GPATCH2: variants seen among roughly 807,000 people sequenced by gnomAD.
GPATCH2 encodes the protein G patch domain-containing protein 2.
A neutral mutation model predicts 58.0 loss-of-function variants in GPATCH2; 51 were observed. The ratio of observed to expected loss-of-function variants is 0.88; its 90% confidence interval spans 0.70 to 1.11. GPATCH2 has a LOEUF of 1.11. Ranked by LOEUF, GPATCH2 falls within the 50% of genes most tolerant of loss-of-function variation. The pLI, the probability that GPATCH2 is intolerant of heterozygous loss-of-function variation, is 0.00. For missense variants in GPATCH2, 625 were observed against 652.2 expected, an observed-to-expected ratio of 0.96 and a Z score of 0.45; for synonymous variants, 222 against 218.5, an observed-to-expected ratio of 1.02 and a Z score of -0.14.
chr1:217,479,607 GACCACAAAACA>G (rs1456164937), intron 8 of GPATCH2, among the ~76,000 whole-genome samples: 1 of 151,766 alleles, frequency 6.6e-6, no homozygotes, highest in Non-Finnish European at 1.5e-5. Context: ...AAGAAGAGAA[GACCACAAAACA>G]ACCAGAAAAC....
chr1:217,599,914 A>G (rs2102789305), intron 5 of GPATCH2, among the ~76,000 whole-genome samples: 1 of 152,314 alleles, frequency 6.6e-6, no homozygotes. Flanking sequence ...ATAAACATTT[A>G]GTTTTTAAAG....
At chr1:217,609,905 A>G in intron 5 of GPATCH2, 1 of 1,111,932 alleles carries the variant, frequency 9.0e-7, no homozygotes, top group Non-Finnish European at 1.1e-6. Context: ...CATAAAAGAG[A>G]AAAATATATA....
chr1:217,490,693 T>C (rs964028611), intron 8 of GPATCH2, among the ~76,000 whole-genome samples: 21 of 152,246 alleles, frequency 1.4e-4, no homozygotes, highest in African/African-American at 5.1e-4. Flanking sequence ...TGGTGTTTTG[T>C]TGCTTGCTCA....
At chr1:217,464,597 A>T (rs1320196034) in intron 8 of GPATCH2, among the ~76,000 whole-genome samples, 1 of 152,214 alleles carries the variant, frequency 6.6e-6, no homozygotes, top group Non-Finnish European at 1.5e-5. Context: ...TAAAAAACCC[A>T]CACCAAGGAA....
Position 217,498,374 on chromosome 1 carries a change from A to T in GPATCH2, c.1188T>A (p.Ala396=). 6.2e-7 allele frequency: 1 copy of T among 1,613,292 alleles called. No homozygotes were observed. The highest frequency in any genetic ancestry group is 8.5e-7 in the Non-Finnish European group (1 of 1,179,216). ...TCCTTACCTGGTCATGCTCTGTCCTAGCCCCAGGGCTAAACCAATGGCTGC... is the reference window on the plus strand; with the variant it reads ...TCCTTACCTGGTCATGCTCTGTCCTTGCCCCAGGGCTAAACCAATGGCTGC... ...HHHDHWFSPG[A]RTEHDQHQLL... is the part of the protein sequence containing the mutation. Residue 396 remains alanine (A), a synonymous_variant, in exon 7 of 10, where the codon GCT becomes GCA. Transcript: ENST00000366935.
chr1:217,541,176 C>T (rs1664721565), intron 5 of GPATCH2, among the ~76,000 whole-genome samples: 2 of 152,174 alleles, frequency 1.3e-5, no homozygotes, highest in Non-Finnish European at 2.9e-5. Context: ...ACTGATACAG[C>T]TTCTATCATC....
chr1:217,470,238 C>A (rs978226423), intron 8 of GPATCH2, among the ~76,000 whole-genome samples: 1 of 152,180 alleles, frequency 6.6e-6, no homozygotes, highest in Admixed American at 6.5e-5. Flanking sequence ...TTAAGGGTCA[C>A]TGGAACAGCT....
At chr1:217,466,049 C>T (rs1379359835) in intron 8 of GPATCH2, among the ~76,000 whole-genome samples, 2 of 152,126 alleles carry the variant, frequency 1.3e-5, no homozygotes, top group Non-Finnish European at 2.9e-5. Context: ...CCATGGATTG[C>T]ATATCTGGCC....
intron 5 of GPATCH2, among the ~76,000 whole-genome samples, chr1:217,526,411 A>G (rs1663909694): frequency 6.6e-6 from 1 of 152,216 alleles, no homozygotes; most frequent in Non-Finnish European, 1.5e-5. Flanking sequence ...AAAAGTATGT[A>G]ATCATGATTT....
intron 5 of GPATCH2, among the ~76,000 whole-genome samples, chr1:217,530,729 G>A (rs1379095571): frequency 6.6e-6 from 1 of 152,074 alleles, no homozygotes; most frequent in Non-Finnish European, 1.5e-5. Flanking sequence ...TTTAAAAATA[G>A]TTACTTAAAG....
At chr1:217,467,809 A>T (rs1399890371) in intron 8 of GPATCH2, among the ~76,000 whole-genome samples, 1 of 152,130 alleles carries the variant, frequency 6.6e-6, no homozygotes, top group Non-Finnish European at 1.5e-5. Flanking sequence ...AGGAATCAGC[A>T]CTTCTTGGAG....
In GPATCH2 at chr1:217,430,417, T is replaced by C. The variant is rs1023474567; in HGVS notation, c.*728A>G. The C allele has an allele frequency of 2.0e-5, 3 of 152,216 alleles. No homozygotes were observed. The highest frequency in any genetic ancestry group is 7.2e-5 in the African/African-American group (3 of 41,464). 9.4% of individuals were successfully genotyped at this position (152,216 alleles called of 1,614,324 possible). ...ACGGTGAATTTAAAAAATACATTTT[T>C]CTTTCAATAATTATTTTATGTTCTA... On this transcript the variant is annotated 3_prime_UTR_variant, in exon 10 of 10. Coordinates refer to ENST00000366935, the MANE Select transcript of GPATCH2 (RefSeq NM_018040.5).
In GPATCH2 at chr1:217,586,647, T is replaced by G. The variant is rs192077852; in HGVS notation, c.1098+23674A>C. 3.9e-5 allele frequency among the ~76,000 whole-genome samples: 6 copies of G among 152,346 alleles called. No homozygotes were observed. The East Asian group carries it at 1.2e-3, about 29-fold the overall frequency. ...GATTAAAAGTACACTATAGTAAACA[T>G]GTAAACCTACTAATATAGTTGTTTA... On this transcript the variant is annotated intron_variant, in intron 5 of 9. Transcript: ENST00000366935.
rs537321813 is a variant in GPATCH2, at chr1:217,526,106, C to T, written c.1099-11217G>A. ...ACCTGATAGTGGTGTTGCATAAAAC[C>T]TTAATTTACATCAGGGGAAAAAATT... On this transcript the variant is annotated intron_variant, in intron 5 of 9. Coordinates refer to ENST00000366935, the MANE Select transcript of GPATCH2 (RefSeq NM_018040.5). 1.3e-4 allele frequency among the ~76,000 whole-genome samples: 20 copies of T among 152,116 alleles called. No individual in the cohort carries two copies. The South Asian group carries it at 4.1e-3, about 32-fold the overall frequency.
intron 5 of GPATCH2, among the ~76,000 whole-genome samples, chr1:217,543,897 T>A (rs1664885761): frequency 6.6e-6 from 1 of 152,030 alleles, no homozygotes; most frequent in African/African-American, 2.4e-5. Context: ...AAGAAGAGAA[T>A]CCTTCAAGAG....
At chr1:217,594,099 T>TGG (rs1295615758) in intron 5 of GPATCH2, among the ~76,000 whole-genome samples, 1 of 152,140 alleles carries the variant, frequency 6.6e-6, no homozygotes, top group Non-Finnish European at 1.5e-5. Flanking sequence ...TCTAGGTACG[T>TGG]GGCTAAGTGC....
intron 7 of GPATCH2, among the ~76,000 whole-genome samples, chr1:217,495,589 T>C (rs1032328476): frequency 6.6e-6 from 1 of 152,200 alleles, no homozygotes; most frequent in Non-Finnish European, 1.5e-5. Flanking sequence ...AAATGATGCT[T>C]CCTATAGTTG....
intron 6 of GPATCH2, among the ~76,000 whole-genome samples, chr1:217,512,906 G>A (rs1014411663): frequency 6.6e-6 from 1 of 152,224 alleles, no homozygotes; most frequent in African/African-American, 2.4e-5. Context: ...TCCAAGAGAG[G>A]AGAGAGAATT....
intron 5 of GPATCH2, chr1:217,608,891 A>T (rs1291186028): frequency 1.0e-6 from 1 of 982,428 alleles, no homozygotes; most frequent in African/African-American, 1.7e-5. Context: ...ATCTCTCCAA[A>T]TTAGACAAGC....
Sources: gnomAD v4.1 joint callset for allele counts (sites outside exome capture counted in the v4.1 genomes callset) on GRCh38, gnomAD v4.1.1 for gene constraint, MANE v1.5 for transcripts, NCBI Gene and HGNC (gene_info 2026-07-23, HGNC 2026-07-21) for gene names.